The following ILDR1 variants were observed in gnomAD, a reference collection of about 807,000 sequenced individuals.
The protein encoded by ILDR1 is immunoglobulin like domain containing receptor 1, also known as immunoglobulin-like domain-containing receptor 1.
Under a neutral mutation model 62.4 loss-of-function variants are expected in ILDR1, and 56 were observed. The observed-to-expected ratio is 0.90, with a 90% CI of 0.72 to 1.12. The LOEUF (loss-of-function observed/expected upper bound fraction) is 1.12, where lower values mean the gene tolerates loss of function less well. ILDR1 is among the 50% of genes most tolerant of loss of function. ILDR1 has a pLI of 0.00. For missense variants in ILDR1, 736 were observed against 710.6 expected (o/e 1.04, Z -0.41); for synonymous variants, 284 against 277.8 (o/e 1.02, Z -0.22).
chr3:122,039,375 G>T, the ILDR1 span, among the ~76,000 whole-genome samples: 1 of 151,806 alleles, frequency 6.6e-6, no homozygotes, highest in Non-Finnish European at 1.5e-5. Flanking sequence ...GAGAGAAAAA[G>T]ATATTACACG....
intron 1 of ILDR1, among the ~76,000 whole-genome samples, chr3:122,020,806 T>C (rs977541942): frequency 6.6e-6 from 1 of 152,210 alleles, no homozygotes; most frequent in East Asian, 1.9e-4. Context: ...GTGTCCAACA[T>C]CTAGTCTTGT....
the ILDR1 span, among the ~76,000 whole-genome samples, chr3:122,061,515 AAAAC>A: frequency 5.9e-5 from 9 of 152,324 alleles, no homozygotes; most frequent in Admixed American, 3.9e-4. Flanking sequence ...ATTAGACAGT[AAAAC>A]AAACAATCCA....
chr3:122,007,260 C>T (rs2071628880), intron 1 of ILDR1, 99 bp from the exon 2 acceptor site: 1 of 1,573,104 alleles, frequency 6.4e-7, no homozygotes, highest in Non-Finnish European at 8.6e-7. Flanking sequence ...TGCCATCCTG[C>T]CTGACCTGGC....
At chr3:122,005,215 AGT>A in intron 3 of ILDR1, 27 bp downstream of exon 3, 9 of 426,338 alleles carry the variant, frequency 2.1e-5, no homozygotes, top group African/African-American at 3.9e-5. Flanking sequence ...CCCCACCCCC[AGT>A]TCCCCTGACA....
the ILDR1 span, among the ~76,000 whole-genome samples, chr3:122,058,597 T>C: frequency 6.6e-6 from 1 of 152,062 alleles, no homozygotes. Context: ...ATTTTAAGTA[T>C]AGCTTTGAGA....
At chr3:122,035,514 G>T in the ILDR1 span, among the ~76,000 whole-genome samples, 1 of 152,170 alleles carries the variant, frequency 6.6e-6, no homozygotes, top group East Asian at 1.9e-4. Context: ...TGGAGGAGAA[G>T]CCTGGTGAGA....
At chr3:121,997,911 TC>T (rs2071461530) in intron 5 of ILDR1, among the ~76,000 whole-genome samples, 1 of 152,232 alleles carries the variant, frequency 6.6e-6, no homozygotes, top group Non-Finnish European at 1.5e-5. Context: ...GGTCTTATTT[TC>T]ATTTTTCTCC....
chr3:122,008,067 C>T (rs1427062728), intron 1 of ILDR1, among the ~76,000 whole-genome samples: 1 of 152,160 alleles, frequency 6.6e-6, no homozygotes. Flanking sequence ...TGGCACCCAA[C>T]AAATGCTTGT....
Position 121,993,295 on chromosome 3 carries a change from T to C in ILDR1, c.1454A>G (p.Lys485Arg). Reference sequence around the variant, plus strand: ...CCGCCAGCTCTGGGGCTGCCTCTCCTTGTCCTCTTCAGAGCTCCAGGAACT... The same window carrying C: ...CCGCCAGCTCTGGGGCTGCCTCTCCCTGTCCTCTTCAGAGCTCCAGGAACT... ...GLSSWSSEED[K>R]ERQPQSWRAH... The change falls in exon 7 of 8, where the codon AAG (lysine) becomes AGG (arginine). Residue 485 changes from lysine (K) to arginine (R), a missense_variant. By Grantham distance (26) the Lys-to-Arg change is conservative. Coordinates refer to ENST00000344209, the MANE Select transcript of ILDR1 (RefSeq NM_001199799.2). 1 of 1,613,478 alleles carries C rather than the reference T, an allele frequency of 6.2e-7. No individual in the cohort carries two copies. The highest frequency in any genetic ancestry group is 8.5e-7 in the Non-Finnish European group (1 of 1,179,658).
the ILDR1 span, among the ~76,000 whole-genome samples, chr3:122,046,605 G>A: frequency 2.0e-5 from 3 of 151,018 alleles, no homozygotes; most frequent in Non-Finnish European, 3.0e-5. Flanking sequence ...TTTCTTGGAG[G>A]CTTTGCTCGT....
At chr3:122,055,395 A>G in the ILDR1 span, 3 of 1,266,634 alleles carry the variant, frequency 2.4e-6, no homozygotes, top group African/African-American at 1.5e-5. Flanking sequence ...ACAGGGTGAA[A>G]GCTTTGCTTC....
chr3:122,052,014 C>G, the ILDR1 span, among the ~76,000 whole-genome samples: 1 of 151,500 alleles, frequency 6.6e-6, no homozygotes, highest in African/African-American at 2.4e-5. Context: ...TTTTTTTGAT[C>G]TTGGCAGCCC....
chr3:122,057,623 AC>A, the ILDR1 span, among the ~76,000 whole-genome samples: 7 of 152,240 alleles, frequency 4.6e-5, no homozygotes, highest in Non-Finnish European at 8.8e-5. Flanking sequence ...TTTAAAAAAA[AC>A]AATAGCTGGT....
At chr3:122,016,615 G>A (rs890604756) in intron 1 of ILDR1, among the ~76,000 whole-genome samples, 6 of 152,230 alleles carry the variant, frequency 3.9e-5, no homozygotes, top group African/African-American at 1.4e-4. Context: ...TATCTGGGGG[G>A]ACAAGGCTTC....
At chr3:122,059,240 A>G in the ILDR1 span, among the ~76,000 whole-genome samples, 7 of 152,166 alleles carry the variant, frequency 4.6e-5, no homozygotes, top group African/African-American at 1.4e-4. Context: ...TTGTGGGTCA[A>G]TTCAGTAGCA....
At chr3:121,997,586 T>C (rs1419895395) in intron 5 of ILDR1, among the ~76,000 whole-genome samples, 1 of 152,124 alleles carries the variant, frequency 6.6e-6, no homozygotes. Flanking sequence ...GAAACCTAGG[T>C]TTAGTCCAGG....
At chr3:121,989,349 T>C (rs2071303938) in intron 7 of ILDR1, among the ~76,000 whole-genome samples, 1 of 152,190 alleles carries the variant, frequency 6.6e-6, no homozygotes. Context: ...GGAGTAGACA[T>C]TTTGTTGAAA....
the ILDR1 span, among the ~76,000 whole-genome samples, chr3:122,040,806 C>T: frequency 9.5e-5 from 14 of 148,078 alleles, no homozygotes; most frequent in Non-Finnish European, 1.9e-4. Flanking sequence ...AACTGCAATA[C>T]TAGAAGATGA....
rs377475296 is a variant in ILDR1 at position 121,993,732 on chromosome 3, C to T, written c.1017G>A (p.Leu339=). ...AGTCACTGGTCCTCCTTGAGGATGA[C>T]AGGTCTCTGATCAGTGGGGGCAGGT... ...IIHLPPLIRD[L]SSSRRTSDSL... Residue 339 remains leucine, a synonymous_variant, in exon 7 of 8, where the codon CTG becomes CTA. Coordinates refer to ENST00000344209, the MANE Select transcript of ILDR1 (RefSeq NM_001199799.2). 6.2e-7 allele frequency: 1 copy of T among 1,614,038 alleles called. No homozygotes were observed. Among genetic ancestry groups the T allele is most frequent in the African/African-American group, 1.3e-5 (1 of 74,922 alleles).
Sources: allele counts gnomAD v4.1 joint callset (sites outside exome capture counted in the v4.1 genomes callset), GRCh38; gene constraint gnomAD v4.1.1; transcripts MANE v1.5; gene names NCBI Gene and HGNC (gene_info 2026-07-23, HGNC 2026-07-21).